Variants in MSRA observed in about 807,000 individuals in gnomAD.
MSRA encodes the protein mitochondrial peptide methionine sulfoxide reductase.
Under a neutral mutation model 31.3 loss-of-function variants are expected in MSRA, and 54 were observed. That is an observed-to-expected ratio of 1.73 (90% CI 1.39 to 2.17). The LOEUF (loss-of-function observed/expected upper bound fraction) is 2.17. Among genes scored for constraint, MSRA ranks in the 30% most tolerant of loss-of-function variants. The pLI is 0.00. For missense variants in MSRA, 507 were observed against 300.9 expected, an observed-to-expected ratio of 1.69 and a Z score of -5.07; for synonymous variants, 169 against 116.5, an observed-to-expected ratio of 1.45 and a Z score of -2.90.
chr8:10,323,145 C>T (rs1486884764), intron 5 of MSRA, among the ~76,000 whole-genome samples: 1 of 150,866 alleles, frequency 6.6e-6, no homozygotes, highest in Non-Finnish European at 1.5e-5. Flanking sequence ...GGAACTGATT[C>T]CTCCACTTGA....
chr8:10,172,709 G>T (rs1349148504), intron 1 of MSRA, among the ~76,000 whole-genome samples: 1 of 152,212 alleles, frequency 6.6e-6, no homozygotes, highest in South Asian at 2.1e-4. Flanking sequence ...CCATGATGGG[G>T]ATAGTGGACT....
intron 3 of MSRA, among the ~76,000 whole-genome samples, chr8:10,262,063 C>G (rs1008999454): frequency 6.6e-6 from 1 of 152,112 alleles, no homozygotes; most frequent in African/African-American, 2.4e-5. Context: ...TGGCTTATGT[C>G]TTTTTATCAC....
Position 10,056,617 on chromosome 8 carries a change from A to G in MSRA, c.142+1959A>G, listed in dbSNP as rs548952037. ...AACTTTTTCCACAAAAAGTGTGTGA[A>G]ATTTAGATTGTGGACGTTCCAGTCT... On this transcript the variant is annotated intron_variant, in intron 1 of 5. Transcript: ENST00000317173. Among the ~76,000 whole-genome samples the G allele has an allele frequency of 5.3e-5, 8 of 152,060 alleles. No homozygotes were observed. The South Asian group carries it at 1.2e-3, about 24-fold the overall frequency.
chr8:10,316,527 C>CTCTCTCTCTCTCT (rs1801726307), intron 4 of MSRA, among the ~76,000 whole-genome samples: 5 of 112,632 alleles, frequency 4.4e-5, no homozygotes, highest in African/African-American at 1.5e-4. Context: ...TTTGATGATC[C>CTCTCTCTCTCTCT]CTCTCTCTCT....
chr8:10,257,938 A>G (rs774561579), intron 3 of MSRA, among the ~76,000 whole-genome samples: 1 of 152,346 alleles, frequency 6.6e-6, no homozygotes, highest in African/African-American at 2.4e-5. Context: ...TGAGTTCATG[A>G]GATTTCCACA....
At chr8:10,075,378 T>C (rs534062143) in intron 1 of MSRA, among the ~76,000 whole-genome samples, 2 of 152,382 alleles carry the variant, frequency 1.3e-5, no homozygotes, top group South Asian at 4.1e-4. Flanking sequence ...ATGGAAGCTA[T>C]GTTTTTACCT....
intron 1 of MSRA, among the ~76,000 whole-genome samples, chr8:10,113,668 C>A (rs1800463780): frequency 6.6e-6 from 1 of 151,560 alleles, no homozygotes; most frequent in African/African-American, 2.4e-5. Context: ...TGGTTGGGTA[C>A]CCAGTTAAAG....
At chr8:10,159,056 A>G (rs1409879682) in intron 1 of MSRA, among the ~76,000 whole-genome samples, 1 of 152,326 alleles carries the variant, frequency 6.6e-6, no homozygotes, top group East Asian at 1.9e-4. Flanking sequence ...AAGAGGATGG[A>G]TGAGAGAGGT....
intron 3 of MSRA, among the ~76,000 whole-genome samples, chr8:10,283,933 G>A (rs2952177): frequency 0.1 from 15,117 of 148,876 alleles, 1,015 homozygotes; most frequent in Admixed American, 0.21. Context: ...TCTGCATTTT[G>A]CAATTGTGAA....
At chr8:10,129,431 G>C (rs1801738196) in intron 1 of MSRA, among the ~76,000 whole-genome samples, 1 of 152,138 alleles carries the variant, frequency 6.6e-6, no homozygotes. Flanking sequence ...AATATAAAGT[G>C]ATGAGGTGAA....
chr8:10,371,438 C>G (rs906270097), intron 5 of MSRA, among the ~76,000 whole-genome samples: 6 of 152,102 alleles, frequency 3.9e-5, no homozygotes, highest in African/African-American at 7.2e-5. Context: ...TTGACAGAAG[C>G]CTTCTTTCTA....
At chr8:10,085,482 G>A (rs891948039) in intron 1 of MSRA, among the ~76,000 whole-genome samples, 2 of 152,192 alleles carry the variant, frequency 1.3e-5, no homozygotes, top group African/African-American at 4.8e-5. Flanking sequence ...AAGAAGATGA[G>A]CGGAACCTCT....
At chr8:10,104,881 A>T (rs1185545730) in intron 1 of MSRA, among the ~76,000 whole-genome samples, 1 of 152,182 alleles carries the variant, frequency 6.6e-6, no homozygotes, top group African/African-American at 2.4e-5. Context: ...TTTGGTTTCC[A>T]GTACCCATTT....
intron 4 of MSRA, among the ~76,000 whole-genome samples, chr8:10,309,615 G>C (rs749625588): frequency 5.9e-5 from 9 of 152,138 alleles, no homozygotes; most frequent in Non-Finnish European, 7.4e-5. Context: ...GCTTGGTCTG[G>C]TTTGCCCCCC....
At chr8:10,215,537 C>G (rs1809914675) in intron 2 of MSRA, among the ~76,000 whole-genome samples, 1 of 152,142 alleles carries the variant, frequency 6.6e-6, no homozygotes, top group Non-Finnish European at 1.5e-5. Context: ...TCTATGGGAT[C>G]CATCACCTCT....
At chr8:10,161,387 G>T (rs927446446) in intron 1 of MSRA, among the ~76,000 whole-genome samples, 1 of 152,150 alleles carries the variant, frequency 6.6e-6, no homozygotes, top group African/African-American at 2.4e-5. Flanking sequence ...TTAGGTACTT[G>T]GGTGATGAGT....
chr8:10,125,895 AT>A (rs74374362), intron 1 of MSRA, among the ~76,000 whole-genome samples: 34,803 of 152,102 alleles, frequency 0.23, 4,319 homozygotes, highest in East Asian at 0.38. Context: ...CCTTTTGGCC[AT>A]TTTACACTAA....
chr8:10,229,523 C>G (rs1475564138), intron 2 of MSRA, among the ~76,000 whole-genome samples: 1 of 152,112 alleles, frequency 6.6e-6, no homozygotes, highest in Non-Finnish European at 1.5e-5. Flanking sequence ...AGGAGCAGCT[C>G]TGACCTCGAG....
At chr8:10,182,962 T>G (rs1245028399) in intron 1 of MSRA, among the ~76,000 whole-genome samples, 2 of 152,340 alleles carry the variant, frequency 1.3e-5, no homozygotes, top group Admixed American at 6.5e-5. Flanking sequence ...TACATCAGCA[T>G]GCCTTTGAAG....
Sources: allele counts gnomAD v4.1 joint callset (sites outside exome capture counted in the v4.1 genomes callset), GRCh38; gene constraint gnomAD v4.1.1; transcripts MANE v1.5; gene names NCBI Gene and HGNC (gene_info 2026-07-23, HGNC 2026-07-21).